Variants in FLNB observed in about 807,000 individuals in gnomAD.
FLNB encodes filamin B.
FLNB carries 111 observed loss-of-function variants against 250.6 expected under a neutral mutation model. The observed-to-expected ratio is 0.44, with a 90% confidence interval of 0.38 to 0.52. The LOEUF is 0.52. Ranked by LOEUF, FLNB falls within the 20% of genes least tolerant of loss-of-function variation. The pLI is 0.00. For missense variants in FLNB, 2,869 were observed against 3,447.8 expected, an observed-to-expected ratio of 0.83 and a Z score of 4.20; for synonymous variants, 1,302 against 1,372.1, an observed-to-expected ratio of 0.95 and a Z score of 1.13.
intron 4 of FLNB, among the ~76,000 whole-genome samples, chr3:58,094,164 C>T (rs1448299161): frequency 2.0e-5 from 3 of 152,254 alleles, no homozygotes; most frequent in African/African-American, 7.2e-5. Flanking sequence ...ACTGCAACCT[C>T]CACCTCCCTG....
At chr3:58,151,841 G>A (rs575479346) in intron 38 of FLNB, among the ~76,000 whole-genome samples, 2 of 152,322 alleles carry the variant, frequency 1.3e-5, no homozygotes, top group South Asian at 4.1e-4. Context: ...CTGGGCTGGT[G>A]CATTTCAGAT....
At chr3:58,014,838 C>T (rs2097103739) in intron 1 of FLNB, among the ~76,000 whole-genome samples, 1 of 152,192 alleles carries the variant, frequency 6.6e-6, no homozygotes. Flanking sequence ...AAGCAATTCT[C>T]CTGCCTCAGC....
At position 58,142,795 on chromosome 3, in the gene FLNB, C is replaced by T; in HGVS notation, c.5284+43C>T. The T allele has an allele frequency of 6.5e-7, 1 of 1,536,866 alleles. No homozygotes were observed. The highest frequency in any genetic ancestry group is 9.0e-7 in the Non-Finnish European group (1 of 1,110,628). On this transcript the variant is annotated intron_variant, in intron 31 of 45. Transcript: ENST00000295956. This position sits in a 1 kb window ranked among gnomAD's most constrained non-coding sequence, Gnocchi z 4.3. The stretch of plus-strand genomic sequence containing the variant: ...AGGCCGTCTCATTCTCACTTGCTCT[C>T]ACGAGCTTCCCAGAATGGTGCTGGG...
chr3:58,109,682 G>C lies in FLNB; in HGVS notation c.2306G>C (p.Cys769Ser). The C allele has an allele frequency of 6.2e-7, 1 of 1,614,138 alleles. No individual in the cohort carries two copies. Among genetic ancestry groups the C allele is most frequent in the Non-Finnish European group, 8.5e-7 (1 of 1,180,010 alleles). Residue 769 changes from cysteine (C) to serine (S), a missense_variant, in exon 15 of 46, where the codon TGT becomes TCT. By Grantham distance (112) the Cys-to-Ser change is moderately radical. This residue lies in a region of FLNB where 1,348 missense variants were observed against 1,466.7 expected (regional missense o/e 0.92). Coordinates refer to ENST00000295956, the MANE Select transcript of FLNB (RefSeq NM_001457.4). ...ANEPTHFTVD[C>S]TEAGEGDVSV... is the part of the protein sequence containing the mutation. ...GAACCTACACACTTCACGGTGGACT[G>C]TACTGAGGCTGGGGAAGGTGAGAAA...
At chr3:58,099,610 G>T (rs986392288) in intron 8 of FLNB, among the ~76,000 whole-genome samples, 7 of 151,988 alleles carry the variant, frequency 4.6e-5, no homozygotes, top group African/African-American at 1.7e-4. Context: ...GCCTTTCCCT[G>T]TTCTGTCCTC....
Position 58,014,806 on chromosome 3 carries a change from GCAA to G in FLNB, c.292+5952_292+5954del, listed in dbSNP as rs2097103663. On this transcript the variant is annotated intron_variant, in intron 1 of 45. Coordinates refer to ENST00000295956, the MANE Select transcript of FLNB (RefSeq NM_001457.4). ...TGCAGTGGCGTGATCTCGGCTCACT[GCAA>G]CCTCTGTCTCCCGGGGTCAAGCAAT... Among the ~76,000 whole-genome samples, 3 of 152,252 alleles carry G rather than the reference GCAA, an allele frequency of 2.0e-5. No individual in the cohort carries two copies. The South Asian group carries it at 6.2e-4, about 32-fold the overall frequency.
At chr3:58,065,291 G>A (rs1301001030) in intron 1 of FLNB, among the ~76,000 whole-genome samples, 1 of 152,200 alleles carries the variant, frequency 6.6e-6, no homozygotes, top group African/African-American at 2.4e-5. Context: ...AGCACAGCAT[G>A]TGTGTGGATC....
In FLNB at chr3:58,076,943, A is replaced by G. The variant is rs1364182852; in HGVS notation, c.293-103A>G. 20 of 1,322,574 alleles carry G rather than the reference A, an allele frequency of 1.5e-5. No homozygotes were observed. In the East Asian group the frequency reaches 3.2e-4, roughly 21 times the overall value. The allele number at this position is 1,322,574 out of a possible 1,614,324, so 81.9% of individuals were successfully genotyped here. On this transcript the variant is annotated intron_variant, in intron 1 of 45. Coordinates refer to ENST00000295956, the MANE Select transcript of FLNB (RefSeq NM_001457.4). Reference sequence around the variant, plus strand: ...TCATTTCACTCTTAAATATCTCAGTATGGTTCTCTAATAGTTGAAGACTCC... The same window carrying G: ...TCATTTCACTCTTAAATATCTCAGTGTGGTTCTCTAATAGTTGAAGACTCC...
At chr3:58,047,810 T>C (rs2097156352) in intron 1 of FLNB, among the ~76,000 whole-genome samples, 1 of 152,098 alleles carries the variant, frequency 6.6e-6, no homozygotes, top group Non-Finnish European at 1.5e-5. Context: ...GTGATCCTCC[T>C]GCCTCAGCCT....
chr3:58,022,362 G>A (rs2097115364), intron 1 of FLNB, among the ~76,000 whole-genome samples: 1 of 152,166 alleles, frequency 6.6e-6, no homozygotes, highest in Non-Finnish European at 1.5e-5. Context: ...AACTGGGTCT[G>A]GGGTCCCAGT....
chr3:58,033,797 A>G (rs2097134240), intron 1 of FLNB, among the ~76,000 whole-genome samples: 1 of 152,232 alleles, frequency 6.6e-6, no homozygotes, highest in Non-Finnish European at 1.5e-5. Context: ...GTAGTAGTCC[A>G]TTGTATGGAT....
chr3:58,028,419 A>G (rs1190114844), intron 1 of FLNB, among the ~76,000 whole-genome samples: 1 of 151,870 alleles, frequency 6.6e-6, no homozygotes, highest in Non-Finnish European at 1.5e-5. Context: ...TGAAATATAA[A>G]TCTATTTCAT....
chr3:58,125,037 T>G (rs1413860301), intron 22 of FLNB, among the ~76,000 whole-genome samples: 3 of 152,212 alleles, frequency 2.0e-5, no homozygotes, highest in African/African-American at 7.2e-5. Context: ...GATGACTGAC[T>G]TGAATATTTG....
chr3:58,111,906 C>T, intron 17 of FLNB, 25 bp downstream of exon 17: 2 of 1,580,148 alleles, frequency 1.3e-6, no homozygotes, highest in East Asian at 2.2e-5. Flanking sequence ...CTAGGTTGTC[C>T]TGGGCCCCTC....
chr3:58,122,970 C>T, intron 20 of FLNB, 123 bp from the exon 21 acceptor site: 1 of 883,188 alleles, frequency 1.1e-6, no homozygotes, highest in African/African-American at 1.6e-5. Context: ...ACACATAAAG[C>T]CCCAAGAGAA....
chr3:58,126,845 G>A lies in FLNB; in HGVS notation c.4222+83G>A, dbSNP rs115771244. 8,234 of 1,250,742 alleles carry A rather than the reference G, an allele frequency of 6.6e-3. 39 individuals carry two copies. The highest frequency in any genetic ancestry group is 8.6e-3 in the Non-Finnish European group (7,474 of 868,922). The allele number at this position is 1,250,742 out of a possible 1,614,324, so 77.5% of individuals were successfully genotyped here. Reference sequence around the variant, plus strand: ...TTGATTTTGGTTATCTCTCTGAGTGGGGAAAACAATCTGATATTTGTAATA... The same window carrying A: ...TTGATTTTGGTTATCTCTCTGAGTGAGGAAAACAATCTGATATTTGTAATA... On this transcript the variant is annotated intron_variant, in intron 24 of 45. Coordinates refer to ENST00000295956, the MANE Select transcript of FLNB (RefSeq NM_001457.4).
At chr3:58,076,063 A>C (rs978014240) in intron 1 of FLNB, among the ~76,000 whole-genome samples, 2 of 152,182 alleles carry the variant, frequency 1.3e-5, no homozygotes, top group Admixed American at 6.5e-5. Context: ...CTGGGCACTT[A>C]TCCTCCTCAC....
At chr3:58,161,716 G>A (rs944530838) in intron 42 of FLNB, among the ~76,000 whole-genome samples, 11 of 152,234 alleles carry the variant, frequency 7.2e-5, no homozygotes, top group Middle Eastern at 3.4e-3. Flanking sequence ...CCTGCAAGGC[G>A]TCAAATATTT....
intron 1 of FLNB, among the ~76,000 whole-genome samples, chr3:58,018,961 A>C (rs1050572763): frequency 1.2e-4 from 15 of 121,318 alleles, no homozygotes; most frequent in Non-Finnish European, 2.4e-4. Context: ...TCACATCTCT[A>C]CAAAAAAAAA....
Sources: allele counts gnomAD v4.1 joint callset (sites outside exome capture counted in the v4.1 genomes callset), GRCh38; gene constraint gnomAD v4.1.1; regional missense constraint gnomAD v4.1.1; non-coding constraint Gnocchi (gnomAD v3.1); transcripts MANE v1.5; gene names NCBI Gene and HGNC (gene_info 2026-07-23, HGNC 2026-07-21).